VAT1L: variants seen among roughly 807,000 people sequenced by gnomAD.
VAT1L encodes putative NADPH-dependent quinone oxidoreductase VAT1L.
A neutral mutation model predicts 44.1 loss-of-function variants in VAT1L; 34 were observed. That is an observed-to-expected ratio of 0.77 (90% CI 0.59 to 1.03). VAT1L has a LOEUF of 1.03. VAT1L is among the 50% of genes least tolerant of loss of function. The probability of loss-of-function intolerance (pLI) is 0.00; values close to 1 mark genes in which losing one functional copy is unlikely to be tolerated. For missense variants in VAT1L, 615 were observed against 538.8 expected (o/e 1.14, Z -1.40); for synonymous variants, 253 against 202.2 (o/e 1.25, Z -2.13).
At position 77,978,707 on chromosome 16, in the gene VAT1L, C is replaced by A. The variant is rs1260236224; in HGVS notation, c.*1012C>A. The A allele has an allele frequency of 6.6e-6, 1 of 152,206 alleles. No individual in the cohort carries two copies. The highest frequency in any genetic ancestry group is 1.5e-5 in the Non-Finnish European group (1 of 68,052). The allele number at this position is 152,206 out of a possible 1,614,324, so 9.4% of individuals were successfully genotyped here. ...TCTAGGGATACAAAAGGTTTATATTCAGCATCTGATGTCAGATGTACAGTT... is the reference window on the plus strand; with the variant it reads ...TCTAGGGATACAAAAGGTTTATATTAAGCATCTGATGTCAGATGTACAGTT... On this transcript the variant is annotated 3_prime_UTR_variant, in exon 9 of 9. Transcript: ENST00000302536.
chr16:77,810,329 T>G (rs1220677562), intron 1 of VAT1L, among the ~76,000 whole-genome samples: 4 of 152,116 alleles, frequency 2.6e-5, no homozygotes, highest in African/African-American at 7.2e-5. Context: ...TCTACTTGAG[T>G]CCAGAACTCA....
At chr16:77,817,507 A>G (rs897006024) in intron 2 of VAT1L, among the ~76,000 whole-genome samples, 6 of 152,170 alleles carry the variant, frequency 3.9e-5, no homozygotes, top group African/African-American at 1.2e-4. Flanking sequence ...TCATTTATAA[A>G]TCCCTAACTA....
intron 4 of VAT1L, among the ~76,000 whole-genome samples, chr16:77,875,066 C>T (rs1378024436): frequency 6.6e-6 from 1 of 152,206 alleles, no homozygotes; most frequent in East Asian, 1.9e-4. Context: ...TTGAGATCCA[C>T]TGTCCTAATT....
intron 7 of VAT1L, among the ~76,000 whole-genome samples, chr16:77,951,358 C>T (rs1379887248): frequency 1.3e-5 from 2 of 149,872 alleles, no homozygotes; most frequent in Non-Finnish European, 3.0e-5. Context: ...CCAGCCTGGG[C>T]AATATGGTGA....
intron 7 of VAT1L, among the ~76,000 whole-genome samples, chr16:77,961,675 C>G (rs419362): frequency 2.0e-5 from 3 of 151,876 alleles, no homozygotes; most frequent in Non-Finnish European, 2.9e-5. Flanking sequence ...CCCTGGCTGC[C>G]CAGCCAGGAT....
At chr16:77,948,514 T>C (rs917250891) in intron 7 of VAT1L, among the ~76,000 whole-genome samples, 16 of 152,270 alleles carry the variant, frequency 1.1e-4, no homozygotes, top group African/African-American at 3.4e-4. Flanking sequence ...AAGCTCAAAG[T>C]TCACATTTTG....
chr16:77,970,193 A>G (rs1052554646), intron 7 of VAT1L, among the ~76,000 whole-genome samples: 8 of 152,050 alleles, frequency 5.3e-5, no homozygotes, highest in African/African-American at 1.9e-4. Context: ...CTGTGATTGT[A>G]CTGCTTTACT....
At chr16:77,878,769 C>T (rs932776588) in intron 5 of VAT1L, among the ~76,000 whole-genome samples, 16 of 152,298 alleles carry the variant, frequency 1.1e-4, no homozygotes, top group Admixed American at 5.2e-4. Context: ...GTCAGAGCCC[C>T]AAGCCCCTCA....
intron 1 of VAT1L, among the ~76,000 whole-genome samples, chr16:77,805,816 G>C (rs1057441371): frequency 7.3e-6 from 1 of 137,298 alleles, no homozygotes; most frequent in Non-Finnish European, 1.6e-5. Context: ...AATCCTGCAT[G>C]TATTTATCTG....
chr16:77,962,986 T>G (rs2018180352), intron 7 of VAT1L, among the ~76,000 whole-genome samples: 1 of 151,968 alleles, frequency 6.6e-6, no homozygotes, highest in Admixed American at 6.6e-5. Context: ...GGGTTCTGGG[T>G]GAGGAGGACA....
rs765986622 is a variant in VAT1L at position 77,936,105 on chromosome 16, G to A, written c.1078-35745G>A. ...ATGATAAGGTTGTGGGGAGACTATCGCACCACTGACTTTTCTTATAACTTC... is the reference window on the plus strand; with the variant it reads ...ATGATAAGGTTGTGGGGAGACTATCACACCACTGACTTTTCTTATAACTTC... On this transcript the variant is annotated intron_variant, in intron 7 of 8. Coordinates refer to ENST00000302536, the MANE Select transcript of VAT1L (RefSeq NM_020927.3). Among the ~76,000 whole-genome samples, 15 of 152,218 alleles carry A rather than the reference G, an allele frequency of 9.9e-5. No homozygotes were observed. The East Asian group carries it at 1.5e-3, about 16-fold the overall frequency.
chr16:77,885,923 A>C (rs189163625), intron 7 of VAT1L, among the ~76,000 whole-genome samples: 61 of 152,260 alleles, frequency 4.0e-4, no homozygotes, highest in African/African-American at 1.3e-3. Context: ...ATGTGCCTAT[A>C]TCTCTCTCTA....
chr16:77,923,089 G>A (rs1380974172), intron 7 of VAT1L, among the ~76,000 whole-genome samples: 1 of 152,152 alleles, frequency 6.6e-6, no homozygotes, highest in African/African-American at 2.4e-5. Context: ...CCTTCAGCAG[G>A]AGACCCTGCA....
chr16:77,947,019 C>T (rs2017977122), intron 7 of VAT1L, among the ~76,000 whole-genome samples: 1 of 152,204 alleles, frequency 6.6e-6, no homozygotes, highest in South Asian at 2.1e-4. Flanking sequence ...GGCAACACAG[C>T]CTCAAGGCTG....
chr16:77,880,826 C>T (rs969037735), intron 6 of VAT1L, among the ~76,000 whole-genome samples: 4 of 151,996 alleles, frequency 2.6e-5, no homozygotes, highest in Non-Finnish European at 4.4e-5. Context: ...ACCCAGCTCC[C>T]ACTTAGGAGA....
chr16:77,814,720 T>C (rs1198336101), intron 1 of VAT1L, among the ~76,000 whole-genome samples: 3 of 152,234 alleles, frequency 2.0e-5, no homozygotes, highest in African/African-American at 7.2e-5. Context: ...AGAAATTTTA[T>C]TTACTGTTAT....
intron 7 of VAT1L, among the ~76,000 whole-genome samples, chr16:77,952,472 C>T (rs779291456): frequency 4.6e-5 from 7 of 152,052 alleles, no homozygotes; most frequent in Non-Finnish European, 7.4e-5. Context: ...CACCACCCCT[C>T]GCCTGCATCT....
At position 77,873,716 on chromosome 16, in the gene VAT1L, C is replaced by T. The variant is rs373279908; in HGVS notation, c.723-2654C>T. 3.5e-4 allele frequency among the ~76,000 whole-genome samples: 54 copies of T among 152,210 alleles called. 1 individual carries two copies. In the South Asian group the frequency reaches 7.7e-3, roughly 22 times the overall value. ...CATAAAGGAAACTAAAATGGAGATC[C>T]GTTTTAGGTGGAGTGATTAGTTACA... On this transcript the variant is annotated intron_variant, in intron 4 of 8. Transcript: ENST00000302536.
At chr16:77,852,172 A>G (rs1273981356) in intron 3 of VAT1L, among the ~76,000 whole-genome samples, 2 of 152,058 alleles carry the variant, frequency 1.3e-5, no homozygotes, top group African/African-American at 4.8e-5. Flanking sequence ...TTGACCCTCA[A>G]ACATACCATG....
Sources: allele counts gnomAD v4.1 joint callset (sites outside exome capture counted in the v4.1 genomes callset), GRCh38; gene constraint gnomAD v4.1.1; transcripts MANE v1.5; gene names NCBI Gene and HGNC (gene_info 2026-07-23, HGNC 2026-07-21).